The following NCALD variants were observed in gnomAD, a reference collection of about 807,000 sequenced individuals.
NCALD encodes neurocalcin delta, also known as neurocalcin-delta.
In NCALD, 10 loss-of-function variants were observed where a neutral mutation model predicts 18.6. The observed-to-expected ratio is 0.54, with a 90% confidence interval of 0.33 to 0.91. NCALD has a LOEUF of 0.91. Ranked by LOEUF, NCALD falls within the 40% of genes least tolerant of loss-of-function variation. The pLI is 0.03. For synonymous variants in NCALD, 88 were observed against 87.4 expected, an observed-to-expected ratio of 1.01 and a Z score of -0.04; for missense variants, 184 against 247.6, an observed-to-expected ratio of 0.74 and a Z score of 1.72.
intron 1 of NCALD, among the ~76,000 whole-genome samples, chr8:102,086,829 T>C (rs1563605873): frequency 6.6e-6 from 1 of 152,086 alleles, no homozygotes; most frequent in Non-Finnish European, 1.5e-5. Flanking sequence ...AGGTCATAAA[T>C]ATATTGCTGA....
intron 4 of NCALD, among the ~76,000 whole-genome samples, chr8:101,881,392 A>C (rs572810203): frequency 7.4e-4 from 113 of 152,342 alleles, no homozygotes; most frequent in African/African-American, 2.6e-3. Context: ...ACTTTGATTA[A>C]ACCGCCGATA....
In NCALD at chr8:101,871,044, G is replaced by T. The variant is rs576504253; in HGVS notation, c.-20+16097C>A. ...CCTTATTATAAATATCCTAGTTGAGGTTCTAGAAAAACAGTGCATGAAACT... is the reference window on the plus strand; with the variant it reads ...CCTTATTATAAATATCCTAGTTGAGTTTCTAGAAAAACAGTGCATGAAACT... On this transcript the variant is annotated intron_variant, in intron 4 of 6. Coordinates refer to the NCALD transcript ENST00000311028. Among the ~76,000 whole-genome samples, 4 of 152,146 alleles carry T rather than the reference G, an allele frequency of 2.6e-5. No homozygotes were observed. In the South Asian group the frequency reaches 8.3e-4, roughly 32 times the overall value.
chr8:101,768,800 A>T (rs1374581230), intron 1 of NCALD, among the ~76,000 whole-genome samples: 2 of 152,136 alleles, frequency 1.3e-5, no homozygotes, highest in Non-Finnish European at 1.5e-5. Context: ...TTTATCTATG[A>T]TCTCAATGTC....
At chr8:101,815,977 A>T (rs1213300168) in intron 4 of NCALD, among the ~76,000 whole-genome samples, 1 of 152,186 alleles carries the variant, frequency 6.6e-6, no homozygotes, top group Non-Finnish European at 1.5e-5. Flanking sequence ...AATGAGCTAC[A>T]AAACCACGAA....
At chr8:102,064,064 T>A (rs1404967211) in intron 1 of NCALD, among the ~76,000 whole-genome samples, 1 of 152,216 alleles carries the variant, frequency 6.6e-6, no homozygotes, top group Non-Finnish European at 1.5e-5. Flanking sequence ...GTGCCCCAAC[T>A]GATAAATGTT....
Position 101,687,036 on chromosome 8 carries a change from A to G in NCALD, c.*2273T>C, listed in dbSNP as rs1814502086. 1 of 151,724 alleles carries G rather than the reference A, an allele frequency of 6.6e-6. No homozygotes were observed. The highest frequency in any genetic ancestry group is 2.1e-4 in the South Asian group (1 of 4,792). 9.4% of individuals were successfully genotyped at this position (151,724 alleles called of 1,614,324 possible). A position where few individuals can be genotyped will look rare whatever the true frequency, so the allele number is the denominator to read the frequency against. On this transcript the variant is annotated 3_prime_UTR_variant, in exon 4 of 4. Coordinates refer to ENST00000220931, the MANE Select transcript of NCALD (RefSeq NM_032041.3). ...GCAGGCCAGGACAGGGACTATTTCT[A>G]TACATTCTGGAAGTGTCGGCATTCA...
chr8:102,099,611 T>C (rs1825209174), intron 1 of NCALD, among the ~76,000 whole-genome samples: 1 of 148,542 alleles, frequency 6.7e-6, no homozygotes, highest in African/African-American at 2.5e-5. Context: ...GACATTTAGG[T>C]TGATGTTGTC....
At chr8:101,755,398 T>TA (rs1247580198) in intron 1 of NCALD, among the ~76,000 whole-genome samples, 2 of 152,152 alleles carry the variant, frequency 1.3e-5, no homozygotes, top group Admixed American at 6.6e-5. Context: ...CTGTTTCAGA[T>TA]ATGCTCTGTC....
At chr8:101,772,398 C>T (rs969896288) in intron 1 of NCALD, among the ~76,000 whole-genome samples, 8 of 152,288 alleles carry the variant, frequency 5.3e-5, no homozygotes, top group Non-Finnish European at 8.8e-5. Flanking sequence ...ATTTAGAAAT[C>T]GTATCTTCCT....
At chr8:101,834,028 A>T (rs1438470919) in intron 4 of NCALD, among the ~76,000 whole-genome samples, 1 of 152,200 alleles carries the variant, frequency 6.6e-6, no homozygotes, top group Non-Finnish European at 1.5e-5. Context: ...AGCCCTAGGG[A>T]AAGTTAAGTC....
At chr8:101,692,179 T>C in intron 3 of NCALD, 1 of 985,440 alleles carries the variant, frequency 1.0e-6, no homozygotes, top group Non-Finnish European at 1.2e-6. Context: ...GTTCTTAAGT[T>C]GGAAATGCAA....
At position 101,884,574 on chromosome 8, in the gene NCALD, G is replaced by T. The variant is rs576386385; in HGVS notation, c.-20+2567C>A. Among the ~76,000 whole-genome samples, 157 of 152,248 alleles carry T rather than the reference G, an allele frequency of 1.0e-3. 1 individual carries two copies. The highest frequency in any genetic ancestry group is 3.7e-3 in the African/African-American group (152 of 41,552). On this transcript the variant is annotated intron_variant, in intron 4 of 6. Coordinates refer to the NCALD transcript ENST00000311028. ...CTTAGTCAACATTTGTTGGTTAATT[G>T]AAATCATCATTTATCTCCAGCAAAC...
intron 1 of NCALD, among the ~76,000 whole-genome samples, chr8:102,058,433 A>T (rs921192505): frequency 1.3e-5 from 2 of 152,262 alleles, no homozygotes; most frequent in Non-Finnish European, 2.9e-5. Flanking sequence ...ACTTACCTAT[A>T]CCTGTCCCTG....
intron 1 of NCALD, among the ~76,000 whole-genome samples, chr8:102,099,993 A>AAAG (rs1554596972): frequency 2.4e-4 from 12 of 50,326 alleles, no homozygotes; most frequent in Non-Finnish European, 3.8e-4. Context: ...AAAAAAAAAA[A>AAAG]AAGAAGAAGA....
intron 3 of NCALD, chr8:101,690,313 G>T (rs188299137): frequency 3.0e-6 from 3 of 984,204 alleles, no homozygotes; most frequent in Admixed American, 6.1e-5. Context: ...TGACATGCTC[G>T]ATTGGTAAAT....
intron 3 of NCALD, among the ~76,000 whole-genome samples, chr8:101,898,061 TGCTTCCCCTTCA>T (rs1276964194): frequency 6.6e-6 from 1 of 152,234 alleles, no homozygotes; most frequent in Non-Finnish European, 1.5e-5. Context: ...AGGACATGTT[TGCTTCCCCTTCA>T]GCCATGATTG....
chr8:101,929,534 G>A (rs1818484821), intron 2 of NCALD, among the ~76,000 whole-genome samples: 2 of 37,240 alleles, frequency 5.4e-5, no homozygotes, highest in African/African-American at 2.3e-4. Context: ...GGGAGGGAGG[G>A]AAAGGAAAGG....
intron 2 of NCALD, among the ~76,000 whole-genome samples, chr8:101,993,828 G>A (rs539411126): frequency 1.3e-5 from 2 of 152,308 alleles, no homozygotes; most frequent in Admixed American, 6.5e-5. Context: ...ACTGTGCGAC[G>A]TGCTAAACTC....
chr8:101,695,062 C>A (rs1814927641), intron 2 of NCALD, among the ~76,000 whole-genome samples: 4 of 152,132 alleles, frequency 2.6e-5, no homozygotes, highest in Admixed American at 2.0e-4. Flanking sequence ...AACATGCACA[C>A]CCCTCACATA....
Sources: gnomAD v4.1 joint callset for allele counts (sites outside exome capture counted in the v4.1 genomes callset) on GRCh38, gnomAD v4.1.1 for gene constraint, MANE v1.5 for transcripts, NCBI Gene and HGNC (gene_info 2026-07-23, HGNC 2026-07-21) for gene names.